The following MGAT4C variants were observed in gnomAD, a reference collection of about 807,000 sequenced individuals.
MGAT4C encodes the protein alpha-1,3-mannosyl-glycoprotein 4-beta-N-acetylglucosaminyltransferase C.
MGAT4C carries 19 observed loss-of-function variants against 40.1 expected under a neutral mutation model. The observed-to-expected ratio is 0.47, with a 90% CI of 0.33 to 0.70. The LOEUF (loss-of-function observed/expected upper bound fraction) is 0.70. MGAT4C is among the 30% of genes least tolerant of loss of function. MGAT4C has a pLI of 0.02. For missense variants in MGAT4C, 491 were observed against 563.2 expected (o/e 0.87, Z 1.30); for synonymous variants, 181 against 187.1 (o/e 0.97, Z 0.27).
At chr12:86,799,270 C>G (rs1334525492) in intron 1 of MGAT4C, among the ~76,000 whole-genome samples, 1 of 151,694 alleles carries the variant, frequency 6.6e-6, no homozygotes, top group African/African-American at 2.4e-5. Flanking sequence ...TTTGAACTCT[C>G]AAAATATTTC....
chr12:86,105,120 A>T (rs1875912668), intron 1 of MGAT4C, among the ~76,000 whole-genome samples: 1 of 152,214 alleles, frequency 6.6e-6, no homozygotes, highest in Non-Finnish European at 1.5e-5. Flanking sequence ...TATCAAGGCA[A>T]ATGGTAAAAT....
intron 3 of MGAT4C, among the ~76,000 whole-genome samples, chr12:86,413,355 T>G (rs1956643948): frequency 6.6e-6 from 1 of 152,138 alleles, no homozygotes; most frequent in African/African-American, 2.4e-5. Flanking sequence ...GGAAAATGAA[T>G]GAAACAAGAT....
At chr12:86,235,488 GT>G (rs1381660963) in intron 1 of MGAT4C, among the ~76,000 whole-genome samples, 1 of 151,944 alleles carries the variant, frequency 6.6e-6, no homozygotes, top group Non-Finnish European at 1.5e-5. Flanking sequence ...TTTTGTAATA[GT>G]TCCTCTCCTT....
At chr12:86,837,131 T>C (rs1471444782) in intron 1 of MGAT4C, among the ~76,000 whole-genome samples, 2 of 152,078 alleles carry the variant, frequency 1.3e-5, no homozygotes, top group African/African-American at 4.8e-5. Context: ...GGGAGCAATC[T>C]CACTTTTTTA....
chr12:86,445,689 T>C (rs1198141833), intron 2 of MGAT4C, among the ~76,000 whole-genome samples: 3 of 152,148 alleles, frequency 2.0e-5, no homozygotes, highest in African/African-American at 7.2e-5. Flanking sequence ...ATTTACATAA[T>C]AGAATAAAAT....
intron 3 of MGAT4C, among the ~76,000 whole-genome samples, chr12:86,420,811 A>ATG (rs1166431572): frequency 7.4e-5 from 11 of 148,762 alleles, no homozygotes; most frequent in East Asian, 5.9e-4. Flanking sequence ...ACACATATAT[A>ATG]TGTGTGTGTG....
At chr12:86,301,325 A>G (rs1211566279) in intron 4 of MGAT4C, among the ~76,000 whole-genome samples, 2 of 152,206 alleles carry the variant, frequency 1.3e-5, no homozygotes, top group Non-Finnish European at 1.5e-5. Flanking sequence ...AAAGTTTGCT[A>G]AACTTCACTC....
chr12:86,788,574 C>T (rs973764675), intron 1 of MGAT4C, among the ~76,000 whole-genome samples: 4 of 151,986 alleles, frequency 2.6e-5, no homozygotes, highest in African/African-American at 9.7e-5. Flanking sequence ...CTTTTGTTTT[C>T]CATAATTTGG....
intron 2 of MGAT4C, among the ~76,000 whole-genome samples, chr12:86,011,033 AAATACATTTCTG>A (rs1888417769): frequency 6.6e-6 from 1 of 152,196 alleles, no homozygotes; most frequent in African/African-American, 2.4e-5. Context: ...AGAACTGTAG[AAATACATTTCTG>A]TATGTATAAA....
intron 2 of MGAT4C, among the ~76,000 whole-genome samples, chr12:86,720,126 G>T (rs902772266): frequency 5.3e-5 from 8 of 152,152 alleles, no homozygotes; most frequent in Non-Finnish European, 5.9e-5. Context: ...AAGGAACAAA[G>T]AAATTCTGAT....
At chr12:86,641,951 A>G (rs1200302619) in intron 2 of MGAT4C, among the ~76,000 whole-genome samples, 1 of 151,820 alleles carries the variant, frequency 6.6e-6, no homozygotes, top group Non-Finnish European at 1.5e-5. Flanking sequence ...AATAATTTTG[A>G]TAAAGTGTTA....
intron 2 of MGAT4C, among the ~76,000 whole-genome samples, chr12:86,035,828 T>C (rs1891185904): frequency 6.7e-6 from 1 of 150,076 alleles, no homozygotes. Context: ...ATTTATTAAA[T>C]AGGGAATCCT....
intron 2 of MGAT4C, among the ~76,000 whole-genome samples, chr12:86,474,917 C>T (rs1463391831): frequency 6.6e-6 from 1 of 151,912 alleles, no homozygotes; most frequent in African/African-American, 2.4e-5. Context: ...GAAATATATG[C>T]ACAAAAAGTA....
In MGAT4C at chr12:86,557,259, A is replaced by G. The variant is rs190410839; in HGVS notation, c.-228-121994T>C. Among the ~76,000 whole-genome samples, 285 of 152,308 alleles carry G rather than the reference A, an allele frequency of 1.9e-3. 2 individuals are homozygous for G. Among genetic ancestry groups the G allele is most frequent in the Non-Finnish European group, 3.1e-3 (214 of 68,024 alleles). On this transcript the variant is annotated intron_variant, in intron 2 of 7. Coordinates refer to the MGAT4C transcript ENST00000548651. The stretch of plus-strand genomic sequence containing the variant: ...TATCCTCAGGAGAAATAAATAAATA[A>G]TAACTTTGATCCATGAATTTCTGTT...
chr12:86,491,845 GA>G (rs1444754033), intron 2 of MGAT4C, among the ~76,000 whole-genome samples: 1 of 151,992 alleles, frequency 6.6e-6, no homozygotes, highest in Non-Finnish European at 1.5e-5. Context: ...AGGAAAAGAG[GA>G]AGTCAAATTG....
intron 4 of MGAT4C, among the ~76,000 whole-genome samples, chr12:86,314,650 T>A (rs988109847): frequency 1.3e-5 from 2 of 152,196 alleles, no homozygotes; most frequent in Non-Finnish European, 2.9e-5. Context: ...CAATAATCAG[T>A]AGCATTTCAG....
At chr12:86,476,727 C>A (rs540594344) in intron 2 of MGAT4C, among the ~76,000 whole-genome samples, 1 of 152,096 alleles carries the variant, frequency 6.6e-6, no homozygotes, top group Admixed American at 6.6e-5. Flanking sequence ...TACATATATA[C>A]CATGGAATAA....
intron 1 of MGAT4C, among the ~76,000 whole-genome samples, chr12:86,206,071 T>C (rs928326288): frequency 3.3e-5 from 5 of 152,090 alleles, no homozygotes; most frequent in Non-Finnish European, 7.4e-5. Context: ...CAATGTGCTA[T>C]GGAATGAATG....
chr12:86,273,883 T>C (rs186155280), intron 4 of MGAT4C, among the ~76,000 whole-genome samples: 10 of 152,318 alleles, frequency 6.6e-5, no homozygotes, highest in Admixed American at 4.6e-4. Context: ...AAAACTTTAA[T>C]GGTACTTGCA....
Sources: allele counts gnomAD v4.1 joint callset (sites outside exome capture counted in the v4.1 genomes callset), GRCh38; gene constraint gnomAD v4.1.1; transcripts MANE v1.5; gene names NCBI Gene and HGNC (gene_info 2026-07-23, HGNC 2026-07-21).